Variants in GALNT10 observed in about 807,000 individuals in gnomAD.
GALNT10 encodes the protein polypeptide N-acetylgalactosaminyltransferase 10, also known as GalNAc transferase 10.
A neutral mutation model predicts 75.0 loss-of-function variants in GALNT10; 41 were observed. The ratio of observed to expected loss-of-function variants is 0.55; its 90% CI spans 0.43 to 0.71. GALNT10 has a LOEUF of 0.71. Among genes scored for constraint, GALNT10 ranks in the 30% least tolerant of loss-of-function variants. The probability of loss-of-function intolerance (pLI) is 0.00; values close to 1 mark genes in which losing one functional copy is unlikely to be tolerated. For missense variants in GALNT10, 727 were observed against 818.5 expected, an observed-to-expected ratio of 0.89 and a Z score of 1.36; for synonymous variants, 302 against 313.0, an observed-to-expected ratio of 0.96 and a Z score of 0.37.
At chr5:154,313,739 G>A (rs1260216518) in intron 3 of GALNT10, among the ~76,000 whole-genome samples, 3 of 152,202 alleles carry the variant, frequency 2.0e-5, no homozygotes, top group Admixed American at 1.3e-4. Flanking sequence ...CGAGAGGAGG[G>A]TAGAGAAGGG....
At chr5:154,310,082 A>C (rs1368189026) in intron 3 of GALNT10, among the ~76,000 whole-genome samples, 1 of 152,146 alleles carries the variant, frequency 6.6e-6, no homozygotes, top group Non-Finnish European at 1.5e-5. Context: ...TTTTGTTGGG[A>C]ATGAATGACG....
At chr5:154,230,378 G>T (rs937015758) in intron 1 of GALNT10, among the ~76,000 whole-genome samples, 7 of 152,180 alleles carry the variant, frequency 4.6e-5, no homozygotes, top group Non-Finnish European at 7.3e-5. Flanking sequence ...ACGGAGTGTG[G>T]AGATTGTGGG....
chr5:154,307,128 C>T (rs562809190), intron 3 of GALNT10, among the ~76,000 whole-genome samples: 24 of 152,312 alleles, frequency 1.6e-4, no homozygotes, highest in African/African-American at 4.8e-4. Context: ...TGTGCCAAAA[C>T]ATCTAACAGC....
Position 154,404,120 on chromosome 5 carries a change from G to T in GALNT10, c.1073G>T (p.Gly358Val). 1 of 1,613,276 alleles carries T rather than the reference G, an allele frequency of 6.2e-7. No homozygotes were observed. The highest frequency in any genetic ancestry group is 1.1e-5 in the South Asian group (1 of 91,060). The change falls in exon 8 of 12, where the codon GGC becomes GTC. Residue 358 changes from glycine to valine, a missense_variant. Coordinates refer to ENST00000297107, the MANE Select transcript of GALNT10 (RefSeq NM_198321.4). The stretch of plus-strand genomic sequence containing the variant: ...GCCATGCAGGTGTGGATGTGTGGGG[G>T]CCGCATGGAGGACATCCCCTGCTCC... ...EISFKVWMCG[G>V]RMEDIPCSRV...
chr5:154,323,565 T>C (rs1034786796), intron 3 of GALNT10, among the ~76,000 whole-genome samples: 6 of 151,978 alleles, frequency 3.9e-5, no homozygotes, highest in Non-Finnish European at 7.4e-5. Flanking sequence ...TGTGGAGATA[T>C]GAGGAACAGC....
At chr5:154,246,647 G>T (rs1253387272) in intron 1 of GALNT10, among the ~76,000 whole-genome samples, 1 of 152,144 alleles carries the variant, frequency 6.6e-6, no homozygotes, top group African/African-American at 2.4e-5. Context: ...ACCACTTTTT[G>T]ATGGGGTTGT....
At chr5:154,193,437 G>A (rs1774891991) in intron 1 of GALNT10, among the ~76,000 whole-genome samples, 1 of 152,232 alleles carries the variant, frequency 6.6e-6, no homozygotes, top group South Asian at 2.1e-4. Flanking sequence ...GAGTGATGGT[G>A]TTCCATCCCT....
intron 1 of GALNT10, among the ~76,000 whole-genome samples, chr5:154,197,729 A>C (rs1340016252): frequency 6.6e-6 from 1 of 152,224 alleles, no homozygotes; most frequent in Non-Finnish European, 1.5e-5. Flanking sequence ...TGTTAATAGT[A>C]GTAATAGCAG....
chr5:154,347,790 G>A (rs1006688707), intron 4 of GALNT10, among the ~76,000 whole-genome samples: 2 of 152,232 alleles, frequency 1.3e-5, no homozygotes, highest in Non-Finnish European at 2.9e-5. Context: ...CCTATAAGGA[G>A]AAGGAATGAA....
intron 1 of GALNT10, among the ~76,000 whole-genome samples, chr5:154,262,962 A>AG (rs1302706317): frequency 6.6e-6 from 1 of 152,038 alleles, no homozygotes; most frequent in East Asian, 1.9e-4. Context: ...TTTGAGAAAA[A>AG]AAAAGCTATA....
At chr5:154,267,333 G>C (rs1385319079) in intron 1 of GALNT10, among the ~76,000 whole-genome samples, 1 of 152,158 alleles carries the variant, frequency 6.6e-6, no homozygotes, top group Non-Finnish European at 1.5e-5. Context: ...GAGGGTGGCA[G>C]AAAGTGTGAG....
chr5:154,264,876 C>T (rs1378381176), intron 1 of GALNT10, among the ~76,000 whole-genome samples: 1 of 152,148 alleles, frequency 6.6e-6, no homozygotes, highest in Non-Finnish European at 1.5e-5. Context: ...ATCTACAGCC[C>T]AATACTGTGG....
intron 7 of GALNT10, among the ~76,000 whole-genome samples, chr5:154,401,621 C>G (rs1366748898): frequency 6.6e-6 from 1 of 151,794 alleles, no homozygotes; most frequent in Admixed American, 6.6e-5. Context: ...ATTTTTTTTT[C>G]TCCCCCAAGA....
At chr5:154,325,896 A>C (rs540643277) in intron 3 of GALNT10, among the ~76,000 whole-genome samples, 1 of 152,296 alleles carries the variant, frequency 6.6e-6, no homozygotes, top group South Asian at 2.1e-4. Flanking sequence ...AAGACATAAA[A>C]AGTCATCTAT....
At chr5:154,263,329 A>G (rs1330162581) in intron 1 of GALNT10, among the ~76,000 whole-genome samples, 1 of 152,222 alleles carries the variant, frequency 6.6e-6, no homozygotes, top group Non-Finnish European at 1.5e-5. Flanking sequence ...AAAGGAATGA[A>G]GTACTGATAC....
intron 7 of GALNT10, chr5:154,388,604 C>T (rs1226957966): frequency 6.6e-6 from 1 of 152,036 alleles, no homozygotes; most frequent in Non-Finnish European, 1.5e-5. Context: ...CTCTGACCTG[C>T]TATTTTTGTT....
intron 3 of GALNT10, among the ~76,000 whole-genome samples, chr5:154,321,210 C>T (rs945171758): frequency 3.3e-5 from 5 of 152,200 alleles, no homozygotes; most frequent in African/African-American, 1.2e-4. Flanking sequence ...CAAAGTGACT[C>T]CTGCCCATTT....
At chr5:154,280,196 G>A (rs1754018818) in intron 1 of GALNT10, among the ~76,000 whole-genome samples, 1 of 152,208 alleles carries the variant, frequency 6.6e-6, no homozygotes, top group Non-Finnish European at 1.5e-5. Flanking sequence ...TCATACGTGA[G>A]AGCTAAGATA....
rs545184824 is a variant in GALNT10, at chr5:154,269,174, C to T, written c.160-25642C>T. On this transcript the variant is annotated intron_variant, in intron 1 of 11. Transcript: ENST00000297107. ...CTAATTTTTTGTATTTTAGTAGAGA[C>T]GGGGTTTCACCATGTTGGCCATGAT... Among the ~76,000 whole-genome samples the T allele has an allele frequency of 8.0e-5, 12 of 150,744 alleles. No homozygotes were observed. In the South Asian group the frequency reaches 2.1e-3, roughly 26 times the overall value.
Sources: allele counts gnomAD v4.1 joint callset (sites outside exome capture counted in the v4.1 genomes callset), GRCh38; gene constraint gnomAD v4.1.1; transcripts MANE v1.5; gene names NCBI Gene and HGNC (gene_info 2026-07-23, HGNC 2026-07-21).